The following DNAH6 variants were observed in gnomAD, a reference collection of about 807,000 sequenced individuals.
DNAH6 encodes dynein axonemal heavy chain 6, also known as axonemal beta dynein heavy chain 6.
DNAH6 carries 340 observed loss-of-function variants against 491.4 expected under a neutral mutation model. The observed-to-expected ratio is 0.69, with a 90% CI of 0.63 to 0.76. DNAH6 has a LOEUF of 0.76. Among genes scored for constraint, DNAH6 ranks in the 30% least tolerant of loss-of-function variants. The probability of loss-of-function intolerance (pLI) is 0.00; values close to 1 mark genes in which losing one functional copy is unlikely to be tolerated. For synonymous variants in DNAH6, 1,603 were observed against 1,686.1 expected (o/e 0.95, Z 1.21); for missense variants, 4,443 against 4,972.2 (o/e 0.89, Z 3.20).
chr2:84,756,312 C>T (rs1359233878), intron 63 of DNAH6, among the ~76,000 whole-genome samples: 6 of 152,150 alleles, frequency 3.9e-5, no homozygotes, highest in Admixed American at 3.3e-4. Context: ...TGGATTTTTG[C>T]TGATAATACT....
chr2:84,729,417 G>A (rs1420084874), intron 61 of DNAH6, among the ~76,000 whole-genome samples: 1 of 152,154 alleles, frequency 6.6e-6, no homozygotes, highest in African/African-American at 2.4e-5. Context: ...CAATCACTTA[G>A]CCAGGCCCTG....
intron 68 of DNAH6, among the ~76,000 whole-genome samples, chr2:84,791,059 G>A (rs1179277623): frequency 6.6e-6 from 1 of 151,836 alleles, no homozygotes; most frequent in African/African-American, 2.4e-5. Flanking sequence ...GTGTGGTAGT[G>A]CACACCTGTA....
At chr2:84,677,180 A>G in intron 41 of DNAH6, 44 bp downstream of exon 41, 1 of 1,550,148 alleles carries the variant, frequency 6.5e-7, no homozygotes, top group Non-Finnish European at 8.7e-7. Flanking sequence ...AAAAGAAAGC[A>G]TATTTGTTCC....
Position 84,707,065 on chromosome 2 carries a change from T to C in DNAH6, c.8851+46T>C, listed in dbSNP as rs915271403. 2.7e-6 allele frequency: 4 copies of C among 1,485,002 alleles called. No homozygotes were observed. In the African/African-American group the frequency reaches 5.8e-5, roughly 21 times the overall value. The allele number at this position is 1,485,002 out of a possible 1,614,324, so 92.0% of individuals were successfully genotyped here. The stretch of plus-strand genomic sequence containing the variant: ...ACATTGGCCAGGAAATGCCTGATTT[T>C]CAGAAGTAGGAAGAAGTTTTTGGCA... On this transcript the variant is annotated intron_variant, in intron 53 of 76. Coordinates refer to ENST00000389394, the MANE Select transcript of DNAH6 (RefSeq NM_001370.2).
At chr2:84,728,329 A>G (rs1698831793) in intron 61 of DNAH6, among the ~76,000 whole-genome samples, 1 of 152,240 alleles carries the variant, frequency 6.6e-6, no homozygotes, top group African/African-American at 2.4e-5. Flanking sequence ...GATAGAGCCC[A>G]CAAGCACCTA....
chr2:84,780,442 T>C (rs1402130485), intron 64 of DNAH6, among the ~76,000 whole-genome samples: 1 of 152,202 alleles, frequency 6.6e-6, no homozygotes, highest in Non-Finnish European at 1.5e-5. Context: ...ATGCTTCCAA[T>C]TGTATTTTGA....
chr2:84,812,216 C>T (rs1381311530), intron 72 of DNAH6, 125 bp from the exon 73 acceptor site: 5 of 752,522 alleles, frequency 6.6e-6, no homozygotes, highest in Non-Finnish European at 1.1e-5. Context: ...AGACAGTGTG[C>T]AAAGAGGATA....
At chr2:84,696,002 G>T (rs1007190226) in intron 46 of DNAH6, among the ~76,000 whole-genome samples, 4 of 151,852 alleles carry the variant, frequency 2.6e-5, no homozygotes, top group Non-Finnish European at 5.9e-5. Flanking sequence ...GTCTATACAT[G>T]AACTTATATA....
At chr2:84,683,425 T>A (rs944002067) in intron 42 of DNAH6, among the ~76,000 whole-genome samples, 12 of 146,398 alleles carry the variant, frequency 8.2e-5, no homozygotes, top group East Asian at 7.9e-4. Context: ...TTTTTTTTTT[T>A]TTTTTTTTTT....
At position 84,583,643 on chromosome 2, in the gene DNAH6, G is replaced by A. The variant is rs375444543; in HGVS notation, c.2230-356G>A. Among the ~76,000 whole-genome samples, 5 of 152,154 alleles carry A rather than the reference G, an allele frequency of 3.3e-5. No homozygotes were observed. The East Asian group carries it at 7.7e-4, about 23-fold the overall frequency. ...GGCCAGGTGGAGATAATTGAATCAT[G>A]GGGGTGGTTTCCCCCATACTGTTCT... On this transcript the variant is annotated intron_variant, in intron 14 of 76. Coordinates refer to ENST00000389394, the MANE Select transcript of DNAH6 (RefSeq NM_001370.2).
At chr2:84,614,370 C>T (rs72922715) in intron 22 of DNAH6, among the ~76,000 whole-genome samples, 1,812 of 152,120 alleles carry the variant, frequency 0.012, 31 homozygotes, top group African/African-American at 0.04. Context: ...TATTTCATTC[C>T]GTTTTATGGC....
intron 11 of DNAH6, among the ~76,000 whole-genome samples, chr2:84,572,497 A>G (rs985972866): frequency 3.9e-5 from 6 of 152,238 alleles, no homozygotes; most frequent in Non-Finnish European, 1.5e-5. Context: ...ATAGTTTGAT[A>G]AAGTTTTTTT....
chr2:84,619,509 T>G (rs1262626936), intron 23 of DNAH6, among the ~76,000 whole-genome samples, 176 bp from the exon 24 acceptor site: 2 of 152,184 alleles, frequency 1.3e-5, no homozygotes, highest in South Asian at 2.1e-4. Flanking sequence ...TCACTAATTT[T>G]CACAGAAATC....
At chr2:84,494,568 A>G in the DNAH6 span, among the ~76,000 whole-genome samples, 1 of 152,242 alleles carries the variant, frequency 6.6e-6, no homozygotes, top group Non-Finnish European at 1.5e-5. Flanking sequence ...AGGAAAATTA[A>G]GAGTAGAATA....
chr2:84,809,421 T>A (rs917462723), intron 72 of DNAH6, among the ~76,000 whole-genome samples: 2 of 152,158 alleles, frequency 1.3e-5, no homozygotes, highest in Admixed American at 1.3e-4. Context: ...CTAGGCTTGT[T>A]GGTTAGGCGG....
chr2:84,603,693 A>T (rs1297432127), intron 18 of DNAH6, among the ~76,000 whole-genome samples: 1 of 151,962 alleles, frequency 6.6e-6, no homozygotes, highest in Non-Finnish European at 1.5e-5. Flanking sequence ...TCAAGGGTAA[A>T]TTGTTTTTTT....
chr2:84,517,538 G>A (rs1056927633), intron 1 of DNAH6, among the ~76,000 whole-genome samples: 2 of 152,154 alleles, frequency 1.3e-5, no homozygotes, highest in East Asian at 1.9e-4. Flanking sequence ...GTCTCCAGAT[G>A]AGCAGCAGCA....
intron 67 of DNAH6, among the ~76,000 whole-genome samples, chr2:84,786,739 T>C (rs968199574): frequency 6.6e-6 from 1 of 152,110 alleles, no homozygotes; most frequent in Non-Finnish European, 1.5e-5. Flanking sequence ...TATGATTCTG[T>C]GTGTGGCATA....
chr2:84,787,811 C>T (rs890912633), intron 68 of DNAH6, among the ~76,000 whole-genome samples: 1 of 152,074 alleles, frequency 6.6e-6, no homozygotes, highest in South Asian at 2.1e-4. Context: ...AAAGGAAAAA[C>T]CTTTCAGGAA....
Sources: gnomAD v4.1 joint callset for allele counts (sites outside exome capture counted in the v4.1 genomes callset) on GRCh38, gnomAD v4.1.1 for gene constraint, MANE v1.5 for transcripts, NCBI Gene and HGNC (gene_info 2026-07-23, HGNC 2026-07-21) for gene names.